The following DPYSL5 variants were observed in gnomAD, a reference collection of about 807,000 sequenced individuals.
DPYSL5 encodes the protein dihydropyrimidinase-related protein 5.
Under a neutral mutation model 58.4 loss-of-function variants are expected in DPYSL5, and 9 were observed. The ratio of observed to expected loss-of-function variants is 0.15; its 90% CI spans 0.09 to 0.27. The LOEUF is 0.27. DPYSL5 is among the 10% of genes least tolerant of loss of function. The pLI is 1.00. For missense variants in DPYSL5, 499 were observed against 770.6 expected (o/e 0.65, Z 4.17); for synonymous variants, 293 against 301.9 (o/e 0.97, Z 0.31).
Position 26,925,081 on chromosome 2 carries a change from A to C in DPYSL5, c.420+36A>C. The C allele has an allele frequency of 6.2e-7, 1 of 1,607,860 alleles. No homozygotes were observed. The highest frequency in any genetic ancestry group is 1.1e-5 in the South Asian group (1 of 90,210). Reference sequence around the variant, plus strand: ...TGGTGGGATCCCAGAAGAAGGCACAAGTGGTCTTGTAGGCAGAGGGGCTGG... The same window carrying C: ...TGGTGGGATCCCAGAAGAAGGCACACGTGGTCTTGTAGGCAGAGGGGCTGG... On this transcript the variant is annotated intron_variant, in intron 3 of 12. Transcript: ENST00000288699. The surrounding 1 kb of genome is among the most constrained non-coding windows in gnomAD (Gnocchi z 4.5).
intron 2 of DPYSL5, among the ~76,000 whole-genome samples, chr2:26,918,585 G>A (rs879905432): frequency 3.3e-5 from 5 of 152,116 alleles, no homozygotes; most frequent in African/African-American, 9.7e-5. Flanking sequence ...AGATCCATCC[G>A]AACAAATGAT....
chr2:26,867,549 G>A (rs1226980523), intron 1 of DPYSL5, among the ~76,000 whole-genome samples: 4 of 148,426 alleles, frequency 2.7e-5, no homozygotes, highest in Non-Finnish European at 4.5e-5. Context: ...TCCGCCTCCC[G>A]GGTTCACGCC....
chr2:26,887,744 G>T (rs1214610714), intron 1 of DPYSL5, among the ~76,000 whole-genome samples: 1 of 147,934 alleles, frequency 6.8e-6, no homozygotes, highest in Non-Finnish European at 1.5e-5. Flanking sequence ...ACATGGAGAG[G>T]CTTTCTCATG....
intron 5 of DPYSL5, among the ~76,000 whole-genome samples, chr2:26,930,507 G>A (rs1664943482): frequency 6.6e-6 from 1 of 152,140 alleles, no homozygotes; most frequent in Admixed American, 6.5e-5. Flanking sequence ...ATCCCACAAT[G>A]CGCAGACACC....
chr2:26,925,613 C>T lies in DPYSL5; in HGVS notation c.420+568C>T, dbSNP rs1664813057. 6.6e-6 allele frequency among the ~76,000 whole-genome samples: 1 copy of T among 152,186 alleles called. No individual in the cohort carries two copies. Among genetic ancestry groups the T allele is most frequent in the Non-Finnish European group, 1.5e-5 (1 of 68,036 alleles). Reference sequence around the variant, plus strand: ...AGGCTGGCACCCCCTGAGCCTTTCTCAGTTCAGCCTCTGTGCCTCCTTTGT... The same window carrying T: ...AGGCTGGCACCCCCTGAGCCTTTCTTAGTTCAGCCTCTGTGCCTCCTTTGT... On this transcript the variant is annotated intron_variant, in intron 3 of 12. Coordinates refer to ENST00000288699, the MANE Select transcript of DPYSL5 (RefSeq NM_020134.4). This position sits in a 1 kb window ranked among gnomAD's most constrained non-coding sequence, Gnocchi z 4.5.
chr2:26,879,502 C>G (rs910594582), intron 1 of DPYSL5, among the ~76,000 whole-genome samples: 2 of 150,404 alleles, frequency 1.3e-5, no homozygotes, highest in African/African-American at 2.5e-5. Context: ...ATGGTCCAGA[C>G]CTTTTGATTG....
At position 26,944,834 on chromosome 2, in the gene DPYSL5, A is replaced by AG. The variant is rs1491555516; in HGVS notation, c.1609+15dup. ...AGCTTCAGCCTCTCTGGTAAGAGTC[A>AG]GGGGGCCACGGGAGGAGGATGGGGG... On this transcript the variant is annotated intron_variant, in intron 12 of 12. Coordinates refer to ENST00000288699, the MANE Select transcript of DPYSL5 (RefSeq NM_020134.4). The surrounding 1 kb of genome is among the most constrained non-coding windows in gnomAD (Gnocchi z 4.4). 6.2e-7 allele frequency: 1 copy of AG among 1,613,438 alleles called. No homozygotes were observed. Among genetic ancestry groups the AG allele is most frequent in the South Asian group, 1.1e-5 (1 of 91,014 alleles).
intron 5 of DPYSL5, among the ~76,000 whole-genome samples, chr2:26,929,302 G>A (rs1166377843): frequency 2.0e-5 from 3 of 151,982 alleles, no homozygotes; most frequent in Non-Finnish European, 2.9e-5. Context: ...GCGCAATCTC[G>A]GCTCACTGCA....
In DPYSL5 at chr2:26,942,413, C is replaced by T. The variant is rs3739087; in HGVS notation, c.1233-130C>T. 8.5e-5 allele frequency: 92 copies of T among 1,081,288 alleles called. No individual in the cohort carries two copies. The East Asian group carries it at 2.4e-3, about 28-fold the overall frequency. 67.0% of individuals were successfully genotyped at this position (1,081,288 alleles called of 1,614,324 possible). A position where few individuals can be genotyped will look rare whatever the true frequency, so the allele number is the denominator to read the frequency against. On this transcript the variant is annotated intron_variant, in intron 10 of 12. Transcript: ENST00000288699. This position sits in a 1 kb window ranked among gnomAD's most constrained non-coding sequence, Gnocchi z 5.9. ...TCTGAGGTTCTGGGTGTTAGAACTTCAGCAGAAGAATTTTGAAGGGAGCCA... is the reference window on the plus strand; with the variant it reads ...TCTGAGGTTCTGGGTGTTAGAACTTTAGCAGAAGAATTTTGAAGGGAGCCA...
At chr2:26,931,167 A>G (rs60830305) in intron 5 of DPYSL5, among the ~76,000 whole-genome samples, 72 of 54,342 alleles carry the variant, frequency 1.3e-3, no homozygotes, top group South Asian at 2.0e-3. Context: ...ATATATATAT[A>G]TATGTGTGTG....
At position 26,934,016 on chromosome 2, in the gene DPYSL5, C is replaced by A. The variant is rs376531185; in HGVS notation, c.791-562C>A. Among the ~76,000 whole-genome samples, 1 of 152,078 alleles carries A rather than the reference C, an allele frequency of 6.6e-6. No individual in the cohort carries two copies. The highest frequency in any genetic ancestry group is 2.4e-5 in the African/African-American group (1 of 41,404). ...AGGGCATCCTGGCCTTCAACTCTATCGCCCTCTAGATCCCGCCACCTGCCT... is the reference window on the plus strand; with the variant it reads ...AGGGCATCCTGGCCTTCAACTCTATAGCCCTCTAGATCCCGCCACCTGCCT... On this transcript the variant is annotated intron_variant, in intron 7 of 12. Transcript: ENST00000288699. The surrounding 1 kb of genome is among the most constrained non-coding windows in gnomAD (Gnocchi z 4.3).
At chr2:26,863,048 C>T (rs967070262) in intron 1 of DPYSL5, among the ~76,000 whole-genome samples, 6 of 152,180 alleles carry the variant, frequency 3.9e-5, no homozygotes, top group African/African-American at 1.4e-4. Context: ...CTCTCCAACA[C>T]AGCGGGAGGA....
intron 6 of DPYSL5, among the ~76,000 whole-genome samples, chr2:26,932,213 AAAGAAAG>A (rs1338213542): frequency 7.9e-4 from 11 of 13,844 alleles, no homozygotes; most frequent in Non-Finnish European, 1.8e-3. Context: ...GAAAGAAAAG[AAAGAAAG>A]AAAGAAAGAA....
At chr2:26,893,405 C>A (rs1663937419) in intron 1 of DPYSL5, among the ~76,000 whole-genome samples, 1 of 152,194 alleles carries the variant, frequency 6.6e-6, no homozygotes, top group Admixed American at 6.5e-5. Flanking sequence ...ACAGCCTTCC[C>A]AGAACTTCCC....
chr2:26,869,843 C>G (rs757364472), intron 1 of DPYSL5, among the ~76,000 whole-genome samples: 22 of 152,078 alleles, frequency 1.4e-4, no homozygotes, highest in Non-Finnish European at 7.4e-5. Flanking sequence ...AATGCCGTCT[C>G]TACTAAAAAT....
intron 1 of DPYSL5, among the ~76,000 whole-genome samples, chr2:26,874,294 T>G (rs982957292): frequency 6.6e-6 from 1 of 152,184 alleles, no homozygotes; most frequent in Admixed American, 6.5e-5. Context: ...ATTTAACAAT[T>G]TTATCTTTTA....
intron 2 of DPYSL5, among the ~76,000 whole-genome samples, chr2:26,909,332 C>T (rs527707169): frequency 1.7e-3 from 264 of 152,312 alleles, no homozygotes; most frequent in Non-Finnish European, 3.0e-3. Context: ...CTCACATTCA[C>T]ACTCGCTCTC....
Position 26,924,660 on chromosome 2 carries a change from G to A in DPYSL5, c.262-227G>A, listed in dbSNP as rs866508007. Among the ~76,000 whole-genome samples, 2 of 152,132 alleles carry A rather than the reference G, an allele frequency of 1.3e-5. No homozygotes were observed. Among genetic ancestry groups the A allele is most frequent in the Non-Finnish European group, 2.9e-5 (2 of 68,008 alleles). Reference sequence around the variant, plus strand: ...CAGCGCGCCAAGCTGAAACCCTGGCGGAGGAAGAAGCAGGTTTGGGGACCC... The same window carrying A: ...CAGCGCGCCAAGCTGAAACCCTGGCAGAGGAAGAAGCAGGTTTGGGGACCC... On this transcript the variant is annotated intron_variant, in intron 2 of 12. Transcript: ENST00000288699. The surrounding 1 kb of genome is among the most constrained non-coding windows in gnomAD (Gnocchi z 4.7).
intron 1 of DPYSL5, among the ~76,000 whole-genome samples, chr2:26,856,562 G>A (rs1572668945): frequency 6.6e-6 from 1 of 152,018 alleles, no homozygotes; most frequent in Non-Finnish European, 1.5e-5. Flanking sequence ...GATAGTTTCC[G>A]GTTTGGGGCT....
Sources: allele counts gnomAD v4.1 joint callset (sites outside exome capture counted in the v4.1 genomes callset), GRCh38; gene constraint gnomAD v4.1.1; non-coding constraint Gnocchi (gnomAD v3.1); transcripts MANE v1.5; gene names NCBI Gene and HGNC (gene_info 2026-07-23, HGNC 2026-07-21).